The following NEGR1 variants were observed in gnomAD, a reference collection of about 807,000 sequenced individuals.
The protein encoded by NEGR1 is neuronal growth regulator 1, also known as IgLON family member 4.
Under a neutral mutation model 40.9 loss-of-function variants are expected in NEGR1, and 10 were observed. That is an observed-to-expected ratio of 0.24 (90% confidence interval 0.15 to 0.42). The LOEUF (loss-of-function observed/expected upper bound fraction) is 0.42, where lower values mean the gene tolerates loss of function less well. Among genes scored for constraint, NEGR1 ranks in the 10% least tolerant of loss-of-function variants. NEGR1 has a pLI of 1.00. For synonymous variants in NEGR1, 185 were observed against 166.8 expected (o/e 1.11, Z -0.84); for missense variants, 352 against 438.9 (o/e 0.80, Z 1.77).
At chr1:72,068,216 G>A (rs1479189491) in intron 1 of NEGR1, among the ~76,000 whole-genome samples, 2 of 152,114 alleles carry the variant, frequency 1.3e-5, no homozygotes, top group East Asian at 3.9e-4. Context: ...TCAATCACAG[G>A]TGGAACCTAA....
chr1:72,245,120 A>G lies in NEGR1; in HGVS notation c.176+37199T>C, dbSNP rs116363022. ...CAACGTAAAATTTTTGCTGCTCTTT[A>G]TATTTCCATGAAATTGTCAGAGATA... is the stretch of plus-strand genomic sequence containing the variant. On this transcript the variant is annotated intron_variant, in intron 1 of 6. Transcript: ENST00000357731. Among the ~76,000 whole-genome samples the G allele has an allele frequency of 3.3e-3, 509 of 152,138 alleles. 1 individual carries two copies. The highest frequency in any genetic ancestry group is 9.1e-3 in the African/African-American group (377 of 41,540).
At chr1:71,817,633 A>G (rs1260707730) in intron 2 of NEGR1, among the ~76,000 whole-genome samples, 2 of 150,868 alleles carry the variant, frequency 1.3e-5, no homozygotes, top group Non-Finnish European at 2.9e-5. Context: ...ATGACTGATC[A>G]CTAGTAAGGA....
chr1:71,828,941 G>C (rs921786657), intron 2 of NEGR1, among the ~76,000 whole-genome samples: 1 of 151,950 alleles, frequency 6.6e-6, no homozygotes, highest in African/African-American at 2.4e-5. Flanking sequence ...ATGTATTTCA[G>C]GGCAGGTTCA....
intron 3 of NEGR1, among the ~76,000 whole-genome samples, chr1:71,735,436 C>A (rs1045649513): frequency 6.6e-6 from 1 of 151,942 alleles, no homozygotes; most frequent in Non-Finnish European, 1.5e-5. Context: ...AACCTGAAAT[C>A]TGATATTTAA....
chr1:71,733,140 G>A lies in NEGR1; in HGVS notation c.536-35001C>T, dbSNP rs369351607. The stretch of plus-strand genomic sequence containing the variant: ...TTCCAAAGAAAGCACTCTTCAAAAT[G>A]CTGCACAGTGTGCTGATTTTAGCGT... On this transcript the variant is annotated intron_variant, in intron 3 of 6. Transcript: ENST00000357731. Among the ~76,000 whole-genome samples, 21 of 150,354 alleles carry A rather than the reference G, an allele frequency of 1.4e-4. No individual in the cohort carries two copies. In the South Asian group the frequency reaches 3.8e-3, roughly 27 times the overall value.
chr1:71,715,303 G>C (rs1263559890), intron 3 of NEGR1, among the ~76,000 whole-genome samples: 1 of 152,214 alleles, frequency 6.6e-6, no homozygotes, highest in Non-Finnish European at 1.5e-5. Flanking sequence ...CCTGTGATGG[G>C]AGGACCTGCC....
chr1:71,769,209 A>T (rs1255494585), intron 3 of NEGR1, among the ~76,000 whole-genome samples: 2 of 151,994 alleles, frequency 1.3e-5, no homozygotes, highest in Non-Finnish European at 2.9e-5. Context: ...TATTAATACA[A>T]TCATATGTAA....
chr1:71,818,298 C>T (rs1418642778), intron 2 of NEGR1, among the ~76,000 whole-genome samples: 11 of 151,902 alleles, frequency 7.2e-5, no homozygotes, highest in Admixed American at 7.2e-4. Context: ...TGTTCATCAA[C>T]AGTAGACTGG....
At chr1:72,245,604 T>G (rs1257144802) in intron 1 of NEGR1, among the ~76,000 whole-genome samples, 1 of 152,148 alleles carries the variant, frequency 6.6e-6, no homozygotes, top group Non-Finnish European at 1.5e-5. Context: ...TATAGAAGAA[T>G]AATATTTTTG....
intron 6 of NEGR1, among the ~76,000 whole-genome samples, chr1:71,511,006 C>A (rs1647069367): frequency 6.6e-6 from 1 of 152,216 alleles, no homozygotes; most frequent in Non-Finnish European, 1.5e-5. Context: ...AGGCCTGAAA[C>A]AATATCAAAA....
intron 1 of NEGR1, among the ~76,000 whole-genome samples, chr1:72,052,908 A>G (rs1372116298): frequency 1.3e-5 from 2 of 151,452 alleles, no homozygotes; most frequent in African/African-American, 4.8e-5. Context: ...TGGTGACTGT[A>G]CTAATTAAGA....
chr1:71,649,626 CAG>C (rs1651644108), intron 4 of NEGR1, among the ~76,000 whole-genome samples: 1 of 152,066 alleles, frequency 6.6e-6, no homozygotes, highest in Non-Finnish European at 1.5e-5. Context: ...AATTTTTTAA[CAG>C]TGATTCTTTT....
chr1:72,019,024 T>C (rs1202645983), intron 1 of NEGR1, among the ~76,000 whole-genome samples: 1 of 152,086 alleles, frequency 6.6e-6, no homozygotes, highest in Non-Finnish European at 1.5e-5. Flanking sequence ...ACATTGGAAA[T>C]CAAGACATAT....
chr1:72,154,419 A>C (rs924002071), intron 1 of NEGR1, among the ~76,000 whole-genome samples: 1 of 151,996 alleles, frequency 6.6e-6, no homozygotes, highest in Non-Finnish European at 1.5e-5. Context: ...AATTTCTGTT[A>C]TCAGTGTAAC....
chr1:71,933,409 T>C (rs1220529664), intron 2 of NEGR1, among the ~76,000 whole-genome samples: 1 of 152,048 alleles, frequency 6.6e-6, no homozygotes, highest in Non-Finnish European at 1.5e-5. Flanking sequence ...CATTTAAACC[T>C]ACAAGTTTAA....
chr1:71,552,957 T>A (rs1381554169), intron 6 of NEGR1, among the ~76,000 whole-genome samples: 1 of 151,554 alleles, frequency 6.6e-6, no homozygotes, highest in Non-Finnish European at 1.5e-5. Flanking sequence ...TAGGGACATA[T>A]AGAAACTTTT....
In NEGR1 at chr1:72,282,378, G is replaced by A; in HGVS notation, c.117C>T (p.Asp39=). 3 of 1,613,970 alleles carry A rather than the reference G, an allele frequency of 1.9e-6. No homozygotes were observed. The highest frequency in any genetic ancestry group is 2.5e-6 in the Non-Finnish European group (3 of 1,179,950). Reference sequence around the variant, plus strand: ...TGTTGTCCACGGCCGCCCAGGGGAAGTCCACACTCTGTCCAGCCGGGAGGC... The same window carrying A: ...TGTTGTCCACGGCCGCCCAGGGGAAATCCACACTCTGTCCAGCCGGGAGGC... The part of the protein sequence containing the change: ...PSCLPAGQSV[D]FPWAAVDNMM... Residue 39 remains aspartate, a synonymous_variant, in exon 1 of 7, where the codon GAC becomes GAT. Coordinates refer to ENST00000357731, the MANE Select transcript of NEGR1 (RefSeq NM_173808.3).
At chr1:72,014,852 A>AAGG (rs1231497398) in intron 1 of NEGR1, among the ~76,000 whole-genome samples, 7 of 150,946 alleles carry the variant, frequency 4.6e-5, no homozygotes, top group Non-Finnish European at 7.4e-5. Context: ...ATGTAACAAT[A>AAGG]ATTATCAAAT....
intron 1 of NEGR1, among the ~76,000 whole-genome samples, chr1:72,117,412 T>G (rs971337051): frequency 6.6e-6 from 1 of 151,826 alleles, no homozygotes; most frequent in Non-Finnish European, 1.5e-5. Context: ...GAATTGTCTG[T>G]TTGAGAATAC....
Sources: allele counts gnomAD v4.1 joint callset (sites outside exome capture counted in the v4.1 genomes callset), GRCh38; gene constraint gnomAD v4.1.1; transcripts MANE v1.5; gene names NCBI Gene and HGNC (gene_info 2026-07-23, HGNC 2026-07-21).